The following ABCA9 variants were observed in gnomAD, a reference collection of about 807,000 sequenced individuals.
The protein encoded by ABCA9 is ATP-binding cassette sub-family A member 9.
ABCA9 carries 183 observed loss-of-function variants against 205.3 expected under a neutral mutation model. The observed-to-expected ratio is 0.89, with a 90% confidence interval of 0.79 to 1.01. The LOEUF is 1.01. Ranked by LOEUF, ABCA9 falls within the 50% of genes least tolerant of loss-of-function variation. ABCA9 has a pLI of 0.00. For synonymous variants in ABCA9, 651 were observed against 683.3 expected, an observed-to-expected ratio of 0.95 and a Z score of 0.74; for missense variants, 1,805 against 1,912.4, an observed-to-expected ratio of 0.94 and a Z score of 1.05.
At chr17:69,040,897 A>AC in intron 6 of ABCA9, among the ~76,000 whole-genome samples, 2 of 150,242 alleles carry the variant, frequency 1.3e-5, no homozygotes, top group Non-Finnish European at 3.0e-5. Flanking sequence ...ATCAATGCCA[A>AC]ATAAACAGGA....
rs942807001 is a variant in ABCA9, at chr17:68,982,542, C to A, written c.4720+20G>T. Reference sequence around the variant, plus strand: ...GCTTATCTGTTTCCCAGAGTTTTGTCTCTAAACAGTCACTCTTACCTATCT... The same window carrying A: ...GCTTATCTGTTTCCCAGAGTTTTGTATCTAAACAGTCACTCTTACCTATCT... On this transcript the variant is annotated intron_variant, in intron 37 of 38. Transcript: ENST00000340001. 5 of 1,596,936 alleles carry A rather than the reference C, an allele frequency of 3.1e-6. No individual in the cohort carries two copies. Among genetic ancestry groups the A allele is most frequent in the Non-Finnish European group, 3.4e-6 (4 of 1,164,646 alleles).
At chr17:69,010,706 T>C (rs2144202790) in intron 23 of ABCA9, among the ~76,000 whole-genome samples, 1 of 152,226 alleles carries the variant, frequency 6.6e-6, no homozygotes. Context: ...CAAGGAATGA[T>C]GATGACTTAG....
At chr17:69,026,330 AG>A in intron 16 of ABCA9, 46 bp downstream of exon 16, 14 of 1,485,826 alleles carry the variant, frequency 9.4e-6, no homozygotes, top group Non-Finnish European at 1.2e-5. Flanking sequence ...ACCTGCCTCC[AG>A]CATTTTCAGC....
rs1197596580 is a variant in ABCA9, at chr17:69,026,918, C to T, written c.2050+58G>A. The T allele has an allele frequency of 2.5e-6, 4 of 1,584,452 alleles. No homozygotes were observed. The African/African-American group carries it at 4.0e-5, about 16-fold the overall frequency. On this transcript the variant is annotated intron_variant, in intron 15 of 38. Transcript: ENST00000340001. The stretch of plus-strand genomic sequence containing the variant: ...GACACAGCTGTGGAGCATACCTGTT[C>T]ATATTCCACACTGTCTCTAACCTCT...
upstream of ABCA9, among the ~76,000 whole-genome samples, chr17:69,065,486 T>C (rs962828590): frequency 2.0e-5 from 3 of 152,198 alleles, no homozygotes; most frequent in African/African-American, 4.8e-5. Context: ...TTTTTAATTA[T>C]CTGGTCCTTT....
chr17:69,061,455 A>G (rs1477436835), upstream of ABCA9, among the ~76,000 whole-genome samples: 1 of 152,150 alleles, frequency 6.6e-6, no homozygotes, highest in Non-Finnish European at 1.5e-5. Context: ...AAGCAATGTA[A>G]TTTTCTTCAG....
intron 1 of ABCA9, among the ~76,000 whole-genome samples, chr17:69,053,211 G>A (rs2071963717): frequency 1.3e-5 from 2 of 152,280 alleles, no homozygotes; most frequent in South Asian, 4.2e-4. Flanking sequence ...AATCACATGG[G>A]TGATTCCCTG....
chr17:69,029,464 G>A (rs541731785), intron 10 of ABCA9, among the ~76,000 whole-genome samples: 28 of 152,266 alleles, frequency 1.8e-4, no homozygotes, highest in African/African-American at 6.7e-4. Context: ...AAAATATGGA[G>A]GGCACAGCTT....
chr17:69,049,509 A>G lies in ABCA9; in HGVS notation c.97-19T>C. ...GCCATTCCTATATAGCAATAAGAGA[A>G]AAAGGAAACAAACTGGTAGATGTTA... is the stretch of plus-strand genomic sequence containing the variant. On this transcript the variant is annotated intron_variant, in intron 2 of 38. Coordinates refer to ENST00000340001, the MANE Select transcript of ABCA9 (RefSeq NM_080283.4). 2 of 1,566,012 alleles carry G rather than the reference A, an allele frequency of 1.3e-6. No homozygotes were observed. The highest frequency in any genetic ancestry group is 1.7e-6 in the Non-Finnish European group (2 of 1,145,722).
At chr17:69,045,034 T>A in intron 4 of ABCA9, 138 bp downstream of exon 4, 1 of 600,280 alleles carries the variant, frequency 1.7e-6, no homozygotes, top group Non-Finnish European at 2.7e-6. Flanking sequence ...TAAATATGAA[T>A]CTCCTTTATG....
chr17:69,013,947 C>A (rs751807528), intron 22 of ABCA9, among the ~76,000 whole-genome samples: 9 of 152,104 alleles, frequency 5.9e-5, no homozygotes, highest in Non-Finnish European at 1.0e-4. Context: ...CCTATGAACT[C>A]AAGGTCAGCT....
chr17:69,008,495 G>A (rs556187141), intron 23 of ABCA9, among the ~76,000 whole-genome samples: 1 of 152,294 alleles, frequency 6.6e-6, no homozygotes, highest in East Asian at 1.9e-4. Context: ...ATTGGGCATG[G>A]CCTCAGTGAG....
chr17:69,041,709 AAT>A (rs1160901823), intron 6 of ABCA9, among the ~76,000 whole-genome samples: 1 of 8,414 alleles, frequency 1.2e-4, no homozygotes, highest in Non-Finnish European at 1.9e-4. Context: ...GTCTCAAAAA[AAT>A]AAAAAAAAAG....
intron 29 of ABCA9, among the ~76,000 whole-genome samples, 182 bp downstream of exon 29, chr17:68,990,655 T>C (rs548380410): frequency 2.0e-5 from 3 of 152,294 alleles, no homozygotes; most frequent in Non-Finnish European, 4.4e-5. Flanking sequence ...CAAAGTGCAT[T>C]GTGTGTGTTT....
chr17:69,043,443 TTC>T, intron 6 of ABCA9, 44 bp downstream of exon 6: 1 of 1,448,370 alleles, frequency 6.9e-7, no homozygotes, highest in Non-Finnish European at 9.3e-7. Flanking sequence ...AGCTAAGTTG[TTC>T]TGTTTGTTTA....
chr17:68,995,039 G>A (rs2069571995), intron 26 of ABCA9, among the ~76,000 whole-genome samples: 1 of 152,142 alleles, frequency 6.6e-6, no homozygotes. Flanking sequence ...CACTCTTACT[G>A]TGCTTTTGCA....
chr17:69,057,262 C>T (rs1253944619), intron 1 of ABCA9, among the ~76,000 whole-genome samples: 2 of 152,194 alleles, frequency 1.3e-5, no homozygotes, highest in Non-Finnish European at 2.9e-5. Flanking sequence ...ACAGATACCT[C>T]ATTCTACCAT....
chr17:68,983,714 C>T lies in ABCA9; in HGVS notation c.4635G>A (p.Gln1545=). ...ILRLFPQAAQ[Q]ERFSSLMVYK... is the part of the protein sequence containing the mutation. ...AACAAAACACCTGTGTCTACCTTTC[C>T]TGCTGAGCAGCCTGGGGGAAAAGCC... The change falls in exon 36 of 39, where the codon CAG becomes CAA. Residue 1545 remains glutamine (Q), a synonymous_variant. Transcript: ENST00000340001. 2 of 1,614,128 alleles carry T rather than the reference C, an allele frequency of 1.2e-6. No homozygotes were observed. Among genetic ancestry groups the T allele is most frequent in the Non-Finnish European group, 1.7e-6 (2 of 1,180,012 alleles).
Position 69,007,858 on chromosome 17 carries a change from A to C in ABCA9, c.3336T>G (p.Ile1112Met). Residue 1112 changes from isoleucine to methionine, a missense_variant, in exon 25 of 39, where the codon ATT becomes ATG. Ile to Met is a conservative substitution (Grantham distance 10). Transcript: ENST00000340001. Reference protein sequence around the residue: ...QNLLIQILCSIGYVSSLVFLT... With the variant: ...QNLLIQILCSMGYVSSLVFLT... The stretch of plus-strand genomic sequence containing the variant: ...AGAAAACAAGAGATGAGACATAGCC[A>C]ATACTACACAGGATCTGAAAACAGA... The C allele has an allele frequency of 6.3e-7, 1 of 1,597,762 alleles. No individual in the cohort carries two copies. Among genetic ancestry groups the C allele is most frequent in the Admixed American group, 1.7e-5 (1 of 59,574 alleles).
Sources: gnomAD v4.1 joint callset for allele counts (sites outside exome capture counted in the v4.1 genomes callset) on GRCh38, gnomAD v4.1.1 for gene constraint, MANE v1.5 for transcripts, NCBI Gene and HGNC (gene_info 2026-07-23, HGNC 2026-07-21) for gene names.